Variants in PDS5A observed in about 807,000 individuals in gnomAD.
PDS5A encodes the protein sister chromatid cohesion protein PDS5 homolog A.
In PDS5A, 42 loss-of-function variants were observed where a neutral mutation model predicts 167.1. That is an observed-to-expected ratio of 0.25 (90% CI 0.20 to 0.33). The LOEUF (loss-of-function observed/expected upper bound fraction) is 0.33. PDS5A is among the 10% of genes least tolerant of loss of function. PDS5A has a pLI of 1.00. For missense variants in PDS5A, 1,033 were observed against 1,605.9 expected, an observed-to-expected ratio of 0.64 and a Z score of 6.10; for synonymous variants, 553 against 554.6, an observed-to-expected ratio of 1.00 and a Z score of 0.04.
chr4:39,900,863 A>G (rs888462633), intron 13 of PDS5A, among the ~76,000 whole-genome samples: 2 of 151,690 alleles, frequency 1.3e-5, no homozygotes, highest in African/African-American at 4.9e-5. Context: ...AGCACAAGGC[A>G]TGTGTGTGGA....
In PDS5A at chr4:39,974,536, CTTTA is replaced by C. The variant is rs1025199207; in HGVS notation, c.138+1900_138+1903del. Among the ~76,000 whole-genome samples the C allele has an allele frequency of 2.0e-5, 3 of 152,048 alleles. No individual in the cohort carries two copies. The South Asian group carries it at 6.2e-4, about 32-fold the overall frequency. On this transcript the variant is annotated intron_variant, in intron 2 of 32. Transcript: ENST00000303538. ...GTATAATCTTTAGTATCAATATTTG[CTTTA>C]TTTATTTTATTTTACTTTTTTGAGA...
chr4:39,910,873 T>C (rs80034394), intron 9 of PDS5A, among the ~76,000 whole-genome samples: 3,749 of 152,208 alleles, frequency 0.025, 158 homozygotes, highest in East Asian at 0.18. Context: ...CATGCCTCTG[T>C]AGTCCCAGCT....
chr4:39,832,234 G>A (rs1553886381), intron 32 of PDS5A, among the ~76,000 whole-genome samples: 1 of 150,464 alleles, frequency 6.6e-6, no homozygotes, highest in Non-Finnish European at 1.5e-5. Context: ...TTTTTTTTGA[G>A]TTGGAGTCTC....
chr4:39,973,953 T>A (rs868525460), intron 2 of PDS5A: 9 of 524,188 alleles, frequency 1.7e-5, no homozygotes, highest in Admixed American at 3.1e-5. Context: ...GTGAAACCCG[T>A]CTCTACTAAA....
chr4:39,831,097 T>C (rs1715821394), intron 32 of PDS5A, among the ~76,000 whole-genome samples: 1 of 148,394 alleles, frequency 6.7e-6, no homozygotes, highest in Admixed American at 6.7e-5. Context: ...ATAGAGTTGT[T>C]TTTGTTTTTT....
intron 21 of PDS5A, among the ~76,000 whole-genome samples, chr4:39,871,712 TTTA>T (rs1720049366): frequency 6.6e-6 from 1 of 152,204 alleles, no homozygotes; most frequent in Non-Finnish European, 1.5e-5. Flanking sequence ...TATTTATTTA[TTTA>T]TTTTTTTGAG....
At chr4:39,954,670 T>TAAATAAAAAAAAAAAAAA in intron 2 of PDS5A, among the ~76,000 whole-genome samples, 1 of 48,278 alleles carries the variant, frequency 2.1e-5, no homozygotes, top group Admixed American at 2.4e-4. Context: ...AAGAGATAAG[T>TAAATAAAAAAAAAAAAAA]AAAAAAAAAA....
At chr4:39,858,167 G>T (rs1718690353) in intron 26 of PDS5A, among the ~76,000 whole-genome samples, 1 of 152,092 alleles carries the variant, frequency 6.6e-6, no homozygotes, top group African/African-American at 2.4e-5. Context: ...ATCACCCAAG[G>T]CAATATACAG....
chr4:39,854,471 ATTC>A (rs1304406166), intron 26 of PDS5A, among the ~76,000 whole-genome samples: 3 of 151,854 alleles, frequency 2.0e-5, no homozygotes, highest in African/African-American at 7.2e-5. Flanking sequence ...GACCTCCAAT[ATTC>A]TTCCTCCAGG....
In PDS5A at chr4:39,974,178, G is replaced by C. The variant is rs1417413479; in HGVS notation, c.138+2262C>G. Reference sequence around the variant, plus strand: ...CCTCCTAGCCAAACTGCTCTACTGAGACCAAGTCCTCGCTGGACTGCTCAG... The same window carrying C: ...CCTCCTAGCCAAACTGCTCTACTGACACCAAGTCCTCGCTGGACTGCTCAG... On this transcript the variant is annotated intron_variant, in intron 2 of 32. Transcript: ENST00000303538. The C allele has an allele frequency of 6.9e-6, 4 of 577,318 alleles. No individual in the cohort carries two copies. In the East Asian group the frequency reaches 1.9e-4, roughly 27 times the overall value. 35.8% of individuals were successfully genotyped at this position (577,318 alleles called of 1,614,324 possible). A position where few individuals can be genotyped will look rare whatever the true frequency, so the allele number is the denominator to read the frequency against.
At chr4:39,925,688 A>T (rs1725394305) in intron 5 of PDS5A, 148 bp downstream of exon 5, 1 of 360,970 alleles carries the variant, frequency 2.8e-6, no homozygotes, top group Non-Finnish European at 5.1e-6. Context: ...CGGACAACAG[A>T]ATTTTTACTT....
At chr4:39,888,504 T>C (rs953636910) in intron 17 of PDS5A, among the ~76,000 whole-genome samples, 3 of 152,186 alleles carry the variant, frequency 2.0e-5, no homozygotes, top group East Asian at 1.9e-4. Context: ...CCTATGTTTA[T>C]TGTGTCACTA....
rs190770209 is a variant in PDS5A, at chr4:39,844,695, A to G, written c.3509T>C (p.Val1170Ala). 5.6e-6 allele frequency: 9 copies of G among 1,612,872 alleles called. No individual in the cohort carries two copies. The highest frequency in any genetic ancestry group is 7.6e-6 in the Non-Finnish European group (9 of 1,179,540). The change falls in exon 30 of 33, where the codon GTA (valine) becomes GCA (alanine). Residue 1170 changes from valine (V) to alanine (A), a missense_variant. Around this residue, in one of 4 missense-constraint regions of PDS5A, gnomAD observed 233 missense variants for 264.0 expected, o/e 0.88. Transcript: ENST00000303538. Reference sequence around the variant, plus strand: ...GGTTGAAGGGTTCAGCTCTGAATTTACATTAATATTGCTTCCAGTCTCAGT... The same window carrying G: ...GGTTGAAGGGTTCAGCTCTGAATTTGCATTAATATTGCTTCCAGTCTCAGT... ...TGTETGSNIN[V>A]NSELNPSTGN...
intron 19 of PDS5A, among the ~76,000 whole-genome samples, chr4:39,875,577 T>G (rs1426934010): frequency 6.6e-6 from 1 of 152,188 alleles, no homozygotes. Context: ...CTCCAGGCCA[T>G]GCACTTTAAC....
At chr4:39,827,426 C>T (rs1217912076) in intron 32 of PDS5A, among the ~76,000 whole-genome samples, 1 of 152,202 alleles carries the variant, frequency 6.6e-6, no homozygotes, top group Admixed American at 6.5e-5. Context: ...AGCTCCTGGA[C>T]TTGATTCTAT....
chr4:39,966,164 G>A (rs1729949461), intron 2 of PDS5A, among the ~76,000 whole-genome samples: 1 of 151,984 alleles, frequency 6.6e-6, no homozygotes, highest in African/African-American at 2.4e-5. Context: ...AGAATCTTCT[G>A]CAATACAAAT....
intron 2 of PDS5A, among the ~76,000 whole-genome samples, chr4:39,949,932 G>GT (rs1349673460): frequency 6.6e-6 from 1 of 151,570 alleles, no homozygotes; most frequent in Non-Finnish European, 1.5e-5. Context: ...TTGAGACAGA[G>GT]TTTGCTCTTG....
At chr4:39,929,397 A>C (rs1403547014) in intron 2 of PDS5A, among the ~76,000 whole-genome samples, 1 of 151,404 alleles carries the variant, frequency 6.6e-6, no homozygotes, top group East Asian at 1.9e-4. Flanking sequence ...CCCGTGCTGG[A>C]TGCTTCCTGC....
intron 2 of PDS5A, chr4:39,973,829 A>C: frequency 9.0e-7 from 1 of 1,115,026 alleles, no homozygotes; most frequent in Non-Finnish European, 1.4e-6. Flanking sequence ...CCACAGACTC[A>C]GAACCGTGCT....
Sources: gnomAD v4.1 joint callset for allele counts (sites outside exome capture counted in the v4.1 genomes callset) on GRCh38, gnomAD v4.1.1 for gene constraint, gnomAD v4.1.1 regional missense constraint, MANE v1.5 for transcripts, NCBI Gene and HGNC (gene_info 2026-07-23, HGNC 2026-07-21) for gene names.